Variants in ST7 observed in about 807,000 individuals in gnomAD.
The protein encoded by ST7 is suppressor of tumorigenicity 7 protein.
Under a neutral mutation model 78.7 loss-of-function variants are expected in ST7, and 28 were observed. The observed-to-expected ratio is 0.36, with a 90% CI of 0.26 to 0.49. ST7 has a LOEUF of 0.49. ST7 is among the 20% of genes least tolerant of loss of function. The probability of loss-of-function intolerance (pLI) is 0.99; values close to 1 mark genes in which losing one functional copy is unlikely to be tolerated. For synonymous variants in ST7, 247 were observed against 249.6 expected, an observed-to-expected ratio of 0.99 and a Z score of 0.10; for missense variants, 418 against 696.0, an observed-to-expected ratio of 0.60 and a Z score of 4.49.
intron 9 of ST7, among the ~76,000 whole-genome samples, chr7:117,159,223 C>T (rs913639848): frequency 6.6e-6 from 1 of 152,160 alleles, no homozygotes; most frequent in Non-Finnish European, 1.5e-5. Context: ...ATTAACTCTG[C>T]CTTTTTTTCC....
At chr7:117,134,754 T>C (rs185505753) in intron 7 of ST7, among the ~76,000 whole-genome samples, 2 of 152,184 alleles carry the variant, frequency 1.3e-5, no homozygotes, top group Admixed American at 1.3e-4. Context: ...AGTTTCAGCA[T>C]CATTATGGTT....
chr7:117,006,158 G>C (rs1563007046), intron 1 of ST7, among the ~76,000 whole-genome samples: 2 of 152,198 alleles, frequency 1.3e-5, no homozygotes, highest in African/African-American at 4.8e-5. Flanking sequence ...ATTTATAGTA[G>C]AGTCAATGTG....
chr7:116,970,544 T>C (rs1191226376), intron 1 of ST7, among the ~76,000 whole-genome samples: 1 of 152,204 alleles, frequency 6.6e-6, no homozygotes, highest in African/African-American at 2.4e-5. Context: ...GGAAGCAAGC[T>C]TTCTCGTGTC....
intron 15 of ST7, among the ~76,000 whole-genome samples, chr7:117,229,153 G>A (rs549753518): frequency 7.9e-5 from 12 of 152,340 alleles, no homozygotes; most frequent in African/African-American, 2.9e-4. Flanking sequence ...TCCCAGAGGT[G>A]CACTCGGAAC....
chr7:117,170,517 C>CT (rs566378753), intron 9 of ST7, among the ~76,000 whole-genome samples: 102 of 152,230 alleles, frequency 6.7e-4, no homozygotes, highest in African/African-American at 2.2e-3. Flanking sequence ...CCCGTCTCTA[C>CT]TTAAAACACA....
At chr7:117,085,025 C>A (rs1243391796) in intron 1 of ST7, among the ~76,000 whole-genome samples, 7 of 152,070 alleles carry the variant, frequency 4.6e-5, no homozygotes, top group African/African-American at 1.7e-4. Flanking sequence ...TTAAGTCAGT[C>A]CTGGCGCTTG....
At chr7:117,036,007 G>T (rs994741765) in intron 1 of ST7, among the ~76,000 whole-genome samples, 1 of 152,158 alleles carries the variant, frequency 6.6e-6, no homozygotes, top group African/African-American at 2.4e-5. Context: ...GATTCTGGAG[G>T]TTTCTTAGGA....
At chr7:116,993,291 A>G (rs1794506075) in intron 1 of ST7, among the ~76,000 whole-genome samples, 1 of 152,202 alleles carries the variant, frequency 6.6e-6, no homozygotes, top group Non-Finnish European at 1.5e-5. Flanking sequence ...TGGACTTACA[A>G]TTCCACATGG....
intron 1 of ST7, among the ~76,000 whole-genome samples, chr7:117,048,453 G>A (rs999242795): frequency 6.6e-6 from 1 of 152,020 alleles, no homozygotes; most frequent in African/African-American, 2.4e-5. Context: ...TTGTTTTCTG[G>A]CATTTTTATG....
intron 7 of ST7, among the ~76,000 whole-genome samples, chr7:117,134,521 T>C (rs1429534392): frequency 6.6e-6 from 1 of 152,024 alleles, no homozygotes; most frequent in Non-Finnish European, 1.5e-5. Flanking sequence ...ATTTGAAATA[T>C]AAATAAGCAA....
intron 1 of ST7, among the ~76,000 whole-genome samples, chr7:117,034,581 G>GTAA (rs1003730193): frequency 4.6e-5 from 7 of 152,108 alleles, no homozygotes; most frequent in Non-Finnish European, 1.0e-4. Flanking sequence ...TTATACCCTT[G>GTAA]TAATGGTATC....
chr7:117,077,025 G>A (rs893030659), intron 1 of ST7, among the ~76,000 whole-genome samples: 1 of 152,182 alleles, frequency 6.6e-6, no homozygotes, highest in Non-Finnish European at 1.5e-5. Flanking sequence ...CAGTGGAAAG[G>A]GGAGCTGAAA....
At chr7:117,087,580 A>G (rs937399505) in intron 1 of ST7, among the ~76,000 whole-genome samples, 2 of 152,204 alleles carry the variant, frequency 1.3e-5, no homozygotes, top group Non-Finnish European at 2.9e-5. Flanking sequence ...TTTATTCATA[A>G]TTTACTTACT....
At position 117,230,007 on chromosome 7, in the gene ST7, GTTTT is replaced by G. The variant is rs1563186076; in HGVS notation, c.*152_*155del. 4 of 786,196 alleles carry G rather than the reference GTTTT, an allele frequency of 5.1e-6. No individual in the cohort carries two copies. Among genetic ancestry groups the G allele is most frequent in the Admixed American group, 3.9e-5 (2 of 51,486 alleles). The allele number at this position is 786,196 out of a possible 1,614,324, so 48.7% of individuals were successfully genotyped here. A position where few individuals can be genotyped will look rare whatever the true frequency, so the allele number is the denominator to read the frequency against. On this transcript the variant is annotated 3_prime_UTR_variant, in exon 16 of 16. Coordinates refer to ENST00000323984, the MANE Select transcript of ST7 (RefSeq NM_001369598.1). ...CATGGACTATTCCATATTAAAAGCT[GTTTT>G]TGTTGTACAAAATTCACTGATGTTC...
chr7:117,130,475 T>A lies in ST7; in HGVS notation c.450-16T>A. 4 of 1,581,412 alleles carry A rather than the reference T, an allele frequency of 2.5e-6. No homozygotes were observed. Among genetic ancestry groups the A allele is most frequent in the Non-Finnish European group, 3.5e-6 (4 of 1,154,246 alleles). ...CTCTCTCAAAAGTGTCTAATCATCT[T>A]ATTTCTCCTTTGCAGGTATACTTGG... On this transcript the variant is annotated splice_polypyrimidine_tract_variant and intron_variant, in intron 4 of 15. Coordinates refer to ENST00000323984, the MANE Select transcript of ST7 (RefSeq NM_001369598.1).
chr7:117,217,295 A>C (rs1448305596), intron 13 of ST7, among the ~76,000 whole-genome samples: 4 of 151,902 alleles, frequency 2.6e-5, no homozygotes, highest in African/African-American at 9.7e-5. Context: ...TGGGAAAAAA[A>C]AAAACAAAAA....
At chr7:117,105,619 GAATA>G (rs1261467043) in intron 2 of ST7, among the ~76,000 whole-genome samples, 7 of 152,148 alleles carry the variant, frequency 4.6e-5, no homozygotes, top group Non-Finnish European at 7.3e-5. Flanking sequence ...CAGTTAAATA[GAATA>G]AATAAGATCT....
At chr7:116,992,549 C>A (rs965696974) in intron 1 of ST7, among the ~76,000 whole-genome samples, 1 of 152,224 alleles carries the variant, frequency 6.6e-6, no homozygotes, top group Non-Finnish European at 1.5e-5. Flanking sequence ...GACCCTGGCC[C>A]CTGCCCATGA....
At chr7:117,066,077 T>C (rs1798616435) in intron 1 of ST7, among the ~76,000 whole-genome samples, 1 of 152,262 alleles carries the variant, frequency 6.6e-6, no homozygotes, top group South Asian at 2.1e-4. Flanking sequence ...TACATTCTCC[T>C]ACTTCCTAAA....
Sources: allele counts gnomAD v4.1 joint callset (sites outside exome capture counted in the v4.1 genomes callset), GRCh38; gene constraint gnomAD v4.1.1; transcripts MANE v1.5; gene names NCBI Gene and HGNC (gene_info 2026-07-23, HGNC 2026-07-21).